Variants in NSMCE2 observed in about 807,000 individuals in gnomAD.
NSMCE2 encodes NSE2 SUMO ligase component of SMC5/6 complex, also known as E3 SUMO-protein ligase NSE2.
A neutral mutation model predicts 23.8 loss-of-function variants in NSMCE2; 24 were observed. The ratio of observed to expected loss-of-function variants is 1.01; its 90% CI spans 0.73 to 1.42. The LOEUF (loss-of-function observed/expected upper bound fraction) is 1.42. Among genes scored for constraint, NSMCE2 ranks in the 40% most tolerant of loss-of-function variants. The pLI is 0.00. For synonymous variants in NSMCE2, 92 were observed against 94.1 expected, an observed-to-expected ratio of 0.98 and a Z score of 0.13; for missense variants, 284 against 296.5, an observed-to-expected ratio of 0.96 and a Z score of 0.31.
chr8:125,297,590 G>A (rs1828379458), intron 5 of NSMCE2, among the ~76,000 whole-genome samples: 2 of 151,558 alleles, frequency 1.3e-5, no homozygotes, highest in African/African-American at 4.9e-5. Flanking sequence ...CAGTACTTTG[G>A]AAGGACCAGA....
chr8:125,337,850 G>A (rs150860642), intron 5 of NSMCE2, among the ~76,000 whole-genome samples: 1,852 of 136,586 alleles, frequency 0.014, 11 homozygotes, highest in Middle Eastern at 0.034. Flanking sequence ...AGCCAAGATC[G>A]CACCATTGCC....
intron 3 of NSMCE2, among the ~76,000 whole-genome samples, chr8:125,116,729 C>T (rs1021024692): frequency 6.6e-6 from 1 of 152,096 alleles, no homozygotes; most frequent in African/African-American, 2.4e-5. Flanking sequence ...CTTGAGCTTG[C>T]AAGGCTAGCT....
intron 5 of NSMCE2, among the ~76,000 whole-genome samples, chr8:125,320,782 T>A (rs147911728): frequency 3.7e-4 from 56 of 152,236 alleles, no homozygotes; most frequent in African/African-American, 1.3e-3. Flanking sequence ...TGATGCAGTA[T>A]TAGTTCTCAT....
intron 5 of NSMCE2, among the ~76,000 whole-genome samples, chr8:125,278,911 G>C (rs540616452): frequency 1.3e-5 from 2 of 152,026 alleles, no homozygotes; most frequent in South Asian, 4.2e-4. Context: ...CCGAGAACCA[G>C]GATGGGATTG....
At chr8:125,180,787 CTAA>C (rs1822767405) in intron 4 of NSMCE2, among the ~76,000 whole-genome samples, 1 of 151,838 alleles carries the variant, frequency 6.6e-6, no homozygotes, top group African/African-American at 2.4e-5. Flanking sequence ...GTACTATATA[CTAA>C]TAATAATGGC....
chr8:125,202,597 A>G (rs1193890353), intron 5 of NSMCE2, among the ~76,000 whole-genome samples: 1 of 152,230 alleles, frequency 6.6e-6, no homozygotes, highest in African/African-American at 2.4e-5. Flanking sequence ...AGAGTTGTTT[A>G]TGGGTTAAAT....
At chr8:125,224,141 C>T (rs1331229055) in intron 5 of NSMCE2, among the ~76,000 whole-genome samples, 1 of 152,066 alleles carries the variant, frequency 6.6e-6, no homozygotes, top group East Asian at 1.9e-4. Context: ...CAGTCCTTTG[C>T]CCATTTTAAA....
intron 5 of NSMCE2, among the ~76,000 whole-genome samples, chr8:125,282,122 T>G (rs890584881): frequency 5.9e-5 from 9 of 152,088 alleles, no homozygotes; most frequent in Admixed American, 6.5e-5. Context: ...TTAATTTTTT[T>G]TTTTTCTTTG....
chr8:125,317,596 T>G (rs1033132708), intron 5 of NSMCE2, among the ~76,000 whole-genome samples: 1 of 152,226 alleles, frequency 6.6e-6, no homozygotes, highest in Non-Finnish European at 1.5e-5. Context: ...CTTCCATGTT[T>G]TATTAATCAA....
chr8:125,176,604 G>C (rs977966341), intron 4 of NSMCE2, among the ~76,000 whole-genome samples: 9 of 152,148 alleles, frequency 5.9e-5, no homozygotes, highest in Non-Finnish European at 1.0e-4. Flanking sequence ...AGCAACACTG[G>C]AGATATGTAT....
chr8:125,166,215 A>T (rs1386719154), intron 4 of NSMCE2, among the ~76,000 whole-genome samples: 1 of 152,076 alleles, frequency 6.6e-6, no homozygotes, highest in African/African-American at 2.4e-5. Flanking sequence ...CTCAAAATAG[A>T]TGTTTTTGCT....
chr8:125,252,504 C>T (rs920251173), intron 5 of NSMCE2, among the ~76,000 whole-genome samples: 2 of 152,064 alleles, frequency 1.3e-5, no homozygotes, highest in Non-Finnish European at 2.9e-5. Flanking sequence ...CCAGCCTGGG[C>T]GACAGAGCGA....
intron 4 of NSMCE2, among the ~76,000 whole-genome samples, chr8:125,168,726 G>A (rs1563693548): frequency 6.6e-6 from 1 of 152,208 alleles, no homozygotes; most frequent in Non-Finnish European, 1.5e-5. Flanking sequence ...TTAAGGGTTA[G>A]GATTTCATCA....
intron 3 of NSMCE2, among the ~76,000 whole-genome samples, chr8:125,107,282 GTTCAAGC>G (rs1210232902): frequency 6.7e-6 from 1 of 150,068 alleles, no homozygotes; most frequent in Non-Finnish European, 1.5e-5. Context: ...CGCCTCTTGG[GTTCAAGC>G]TATTCTCCTG....
intron 5 of NSMCE2, among the ~76,000 whole-genome samples, chr8:125,242,000 G>T (rs1825781864): frequency 6.6e-6 from 1 of 152,150 alleles, no homozygotes; most frequent in Non-Finnish European, 1.5e-5. Flanking sequence ...AAGATCCCTA[G>T]ATGTGAGAAC....
chr8:125,355,742 T>C (rs940706446), intron 5 of NSMCE2, among the ~76,000 whole-genome samples: 4 of 151,526 alleles, frequency 2.6e-5, no homozygotes, highest in African/African-American at 7.3e-5. Flanking sequence ...CTTTAACTTC[T>C]GTGCAAAATT....
At chr8:125,281,529 T>G (rs1827695099) in intron 5 of NSMCE2, among the ~76,000 whole-genome samples, 2 of 151,968 alleles carry the variant, frequency 1.3e-5, no homozygotes, top group African/African-American at 2.4e-5. Context: ...AGCCTCCACC[T>G]CCCGGGTTCA....
intron 3 of NSMCE2, among the ~76,000 whole-genome samples, chr8:125,108,033 C>CA (rs11292879): frequency 6.0e-5 from 9 of 149,440 alleles, no homozygotes; most frequent in Admixed American, 3.3e-4. Flanking sequence ...GAGCCTGTCT[C>CA]AAAAAAAAAA....
At chr8:125,256,947 AAAAAAAAAAAAAG>A (rs1563747335) in intron 5 of NSMCE2, among the ~76,000 whole-genome samples, 20 of 142,880 alleles carry the variant, frequency 1.4e-4, no homozygotes, top group African/African-American at 4.9e-4. Flanking sequence ...AAAAAAAAAA[AAAAAAAAAAAAAG>A]AGGGCTGAAG....
Sources: gnomAD v4.1 joint callset for allele counts (sites outside exome capture counted in the v4.1 genomes callset) on GRCh38, gnomAD v4.1.1 for gene constraint, MANE v1.5 for transcripts, NCBI Gene and HGNC (gene_info 2026-07-23, HGNC 2026-07-21) for gene names.